Variants in KYAT3 observed in about 807,000 individuals in gnomAD.
KYAT3 encodes kynurenine aminotransferase 3.
KYAT3 carries 50 observed loss-of-function variants against 59.0 expected under a neutral mutation model. The ratio of observed to expected loss-of-function variants is 0.85; its 90% CI spans 0.68 to 1.07. The LOEUF (loss-of-function observed/expected upper bound fraction) is 1.07. Among genes scored for constraint, KYAT3 ranks in the 50% least tolerant of loss-of-function variants. KYAT3 has a pLI of 0.00. For missense variants in KYAT3, 497 were observed against 533.3 expected (o/e 0.93, Z 0.67); for synonymous variants, 148 against 177.0 (o/e 0.84, Z 1.30).
Position 88,959,267 on chromosome 1 carries a change from C to A in KYAT3, c.787+1900G>T, listed in dbSNP as rs551638896. Among the ~76,000 whole-genome samples the A allele has an allele frequency of 1.0e-4, 15 of 150,288 alleles. No individual in the cohort carries two copies. In the South Asian group the frequency reaches 2.1e-3, roughly 21 times the overall value. On this transcript the variant is annotated intron_variant, in intron 8 of 13. Coordinates refer to ENST00000260508, the MANE Select transcript of KYAT3 (RefSeq NM_001008661.3). ...CTCCAGCCTGGGTGACACAGCGAGA[C>A]CCTGTCTCTTAAAAAAAAAAAAAAA...
intron 2 of KYAT3, chr1:88,981,974 C>T: frequency 1.0e-6 from 1 of 984,390 alleles, no homozygotes; most frequent in Non-Finnish European, 1.2e-6. Context: ...TTGGTTTTGG[C>T]CAAACTTTTT....
intron 2 of KYAT3, among the ~76,000 whole-genome samples, chr1:88,970,285 AAGTGCTTTAC>A (rs1351999028): frequency 6.6e-6 from 1 of 152,186 alleles, no homozygotes; most frequent in Non-Finnish European, 1.5e-5. Flanking sequence ...GTACTGTTCT[AAGTGCTTTAC>A]ATAATGAACT....
At chr1:88,984,256 C>T (rs1270329441) in intron 2 of KYAT3, among the ~76,000 whole-genome samples, 1 of 129,096 alleles carries the variant, frequency 7.7e-6, no homozygotes, top group Non-Finnish European at 1.6e-5. Context: ...ACAGTGTTGC[C>T]CAGGCTGGAG....
At chr1:88,974,469 CTTTTTTTTTTTTT>C (rs71084932) in intron 2 of KYAT3, among the ~76,000 whole-genome samples, 3 of 69,676 alleles carry the variant, frequency 4.3e-5, no homozygotes, top group African/African-American at 1.3e-4. Context: ...GTGTCTCTCT[CTTTTTTTTTTTTT>C]TTTTTTTTTT....
At chr1:88,957,580 G>A (rs1470100370) in intron 8 of KYAT3, among the ~76,000 whole-genome samples, 1 of 152,068 alleles carries the variant, frequency 6.6e-6, no homozygotes, top group Non-Finnish European at 1.5e-5. Context: ...ATGAAATAGT[G>A]TATCCATTTT....
chr1:88,960,928 G>T (rs967344181), intron 8 of KYAT3, among the ~76,000 whole-genome samples: 2 of 152,202 alleles, frequency 1.3e-5, no homozygotes, highest in South Asian at 2.1e-4. Flanking sequence ...ATGGGCAAAA[G>T]AACTACTTTT....
chr1:88,934,936 A>C (rs1674982270), downstream of KYAT3, among the ~76,000 whole-genome samples: 1 of 151,824 alleles, frequency 6.6e-6, no homozygotes, highest in Non-Finnish European at 1.5e-5. Context: ...AAGGTCATAG[A>C]CCATTTTTTT....
intron 13 of KYAT3, among the ~76,000 whole-genome samples, chr1:88,941,313 A>G (rs900962304): frequency 8.5e-5 from 13 of 152,164 alleles, no homozygotes; most frequent in Non-Finnish European, 1.8e-4. Flanking sequence ...TGTTATTCTC[A>G]TTAGGTTTAA....
At chr1:88,986,843 C>T (rs1466714747) in intron 2 of KYAT3, among the ~76,000 whole-genome samples, 1 of 152,108 alleles carries the variant, frequency 6.6e-6, no homozygotes, top group African/African-American at 2.4e-5. Context: ...TAACACTGGC[C>T]AGTGTTTTTC....
chr1:88,952,009 G>A (rs904085375), intron 10 of KYAT3, among the ~76,000 whole-genome samples: 2 of 152,124 alleles, frequency 1.3e-5, no homozygotes. Context: ...CGGAAGCAGA[G>A]GACAGACTCT....
chr1:88,986,352 G>A (rs931885642), intron 2 of KYAT3, among the ~76,000 whole-genome samples: 3 of 151,434 alleles, frequency 2.0e-5, no homozygotes, highest in Non-Finnish European at 4.4e-5. Context: ...AGGGCCAGGC[G>A]CGGTGGCTCA....
intron 13 of KYAT3, among the ~76,000 whole-genome samples, chr1:88,939,329 T>C (rs981350946): frequency 6.6e-6 from 1 of 152,222 alleles, no homozygotes; most frequent in African/African-American, 2.4e-5. Flanking sequence ...TTGTCATTCT[T>C]TGATTTTTAG....
intron 9 of KYAT3, among the ~76,000 whole-genome samples, chr1:88,953,707 A>G (rs538228363): frequency 1.3e-5 from 2 of 152,314 alleles, no homozygotes; most frequent in African/African-American, 4.8e-5. Flanking sequence ...ACAGCCGGCG[A>G]TCATTATTAG....
At chr1:88,962,290 CT>C in intron 5 of KYAT3, 145 bp from the exon 6 acceptor site, 1 of 640,006 alleles carries the variant, frequency 1.6e-6, no homozygotes, top group East Asian at 2.8e-5. Context: ...GAGCTAACAT[CT>C]GAGGGGAAGA....
intron 4 of KYAT3, 26 bp downstream of exon 4, chr1:88,968,643 TG>T (rs1676434682): frequency 6.6e-7 from 1 of 1,515,908 alleles, no homozygotes; most frequent in Non-Finnish European, 8.8e-7. Flanking sequence ...TAAAAGCTCA[TG>T]GCCCATATGG....
intron 2 of KYAT3, among the ~76,000 whole-genome samples, chr1:88,975,345 G>A (rs1314578739): frequency 1.3e-5 from 2 of 152,146 alleles, no homozygotes; most frequent in Admixed American, 1.3e-4. Context: ...GAGAGACTGG[G>A]TTTCACCACG....
At chr1:88,966,182 A>G (rs1294630085) in intron 4 of KYAT3, among the ~76,000 whole-genome samples, 4 of 152,118 alleles carry the variant, frequency 2.6e-5, no homozygotes, top group Non-Finnish European at 5.9e-5. Flanking sequence ...GTATATACCT[A>G]TGTATTTACA....
At chr1:88,981,842 T>C (rs1677103545) in intron 2 of KYAT3, 2 of 498,834 alleles carry the variant, frequency 4.0e-6, no homozygotes, top group South Asian at 8.7e-5. Context: ...CTTTAGGAAG[T>C]TGGAGATAAA....
At chr1:88,951,637 TA>T (rs1303936355) in intron 10 of KYAT3, among the ~76,000 whole-genome samples, 1 of 151,054 alleles carries the variant, frequency 6.6e-6, no homozygotes, top group East Asian at 1.9e-4. Context: ...TAATATATAT[TA>T]AAAATATTAA....
Sources: gnomAD v4.1 joint callset for allele counts (sites outside exome capture counted in the v4.1 genomes callset) on GRCh38, gnomAD v4.1.1 for gene constraint, MANE v1.5 for transcripts, NCBI Gene and HGNC (gene_info 2026-07-23, HGNC 2026-07-21) for gene names.